Variants in CHKA observed in about 807,000 individuals in gnomAD.
The protein encoded by CHKA is choline kinase alpha.
CHKA carries 34 observed loss-of-function variants against 60.1 expected under a neutral mutation model. That is an observed-to-expected ratio of 0.57 (90% confidence interval 0.43 to 0.75). The LOEUF (loss-of-function observed/expected upper bound fraction) is 0.75, where lower values mean the gene tolerates loss of function less well. CHKA is among the 30% of genes least tolerant of loss of function. CHKA has a pLI of 0.00. For synonymous variants in CHKA, 217 were observed against 223.1 expected (o/e 0.97, Z 0.24); for missense variants, 563 against 561.3 (o/e 1.00, Z -0.03).
At chr11:68,085,242 G>C (rs1401305127) in intron 2 of CHKA, among the ~76,000 whole-genome samples, 1 of 152,082 alleles carries the variant, frequency 6.6e-6, no homozygotes, top group Non-Finnish European at 1.5e-5. Context: ...AAAAAATTTG[G>C]AGACTGGGTC....
chr11:68,111,318 A>C (rs1858129758), intron 1 of CHKA, among the ~76,000 whole-genome samples: 1 of 152,016 alleles, frequency 6.6e-6, no homozygotes, highest in Non-Finnish European at 1.5e-5. Flanking sequence ...AAGTTGAGGC[A>C]GGAAAATTGC....
chr11:68,103,226 G>A (rs951223373), intron 1 of CHKA, among the ~76,000 whole-genome samples: 37 of 152,080 alleles, frequency 2.4e-4, no homozygotes, highest in African/African-American at 6.0e-4. Context: ...TAGGTAGCAC[G>A]TGCCTGCAGT....
chr11:68,055,322 G>A (rs1433459068), intron 11 of CHKA, among the ~76,000 whole-genome samples: 7 of 152,128 alleles, frequency 4.6e-5, no homozygotes, highest in African/African-American at 1.4e-4. Flanking sequence ...CCCGGGAGGC[G>A]GAGGTTGCAG....
rs1174986137 is a variant in CHKA, at chr11:68,054,040, G to A, written c.1322C>T (p.Ala441Val). 1.2e-6 allele frequency: 2 copies of A among 1,612,590 alleles called. No individual in the cohort carries two copies. The highest frequency in any genetic ancestry group is 1.7e-6 in the Non-Finnish European group (2 of 1,179,372). Residue 441 changes from alanine (A) to valine (V), a missense_variant, in exon 12 of 12, where the codon GCC becomes GTC. By Grantham distance (64) the Ala-to-Val change is moderately conservative. Transcript: ENST00000265689. ...GAAATAGGCATCAAACCTTGCTTGGGCGTAGTCCTAGGAGACAGCAAAGAG... is the reference window on the plus strand; with the variant it reads ...GAAATAGGCATCAAACCTTGCTTGGACGTAGTCCTAGGAGACAGCAAAGAG... ...SSIEFGYMDY[A>V]QARFDAYFHQ...
chr11:68,097,416 CA>C (rs1470963564), intron 1 of CHKA, among the ~76,000 whole-genome samples: 2 of 152,106 alleles, frequency 1.3e-5, no homozygotes, highest in Non-Finnish European at 2.9e-5. Context: ...GGGTGGATCA[CA>C]AGGTCAAGGA....
At chr11:68,064,953 G>A (rs533371987) in intron 9 of CHKA, among the ~76,000 whole-genome samples, 3 of 152,274 alleles carry the variant, frequency 2.0e-5, no homozygotes, top group African/African-American at 7.2e-5. Flanking sequence ...ATCCTACTCA[G>A]CTTCAGCACC....
At chr11:68,082,581 A>G (rs1017474337) in intron 2 of CHKA, 3 of 152,636 alleles carry the variant, frequency 2.0e-5, no homozygotes, top group African/African-American at 7.2e-5. Context: ...AACACCAGCT[A>G]CTCTAGCACC....
chr11:68,089,730 C>G (rs576113796), intron 2 of CHKA: 2 of 152,262 alleles, frequency 1.3e-5, no homozygotes, highest in South Asian at 2.1e-4. Context: ...TTACAACTTT[C>G]TTTTTTAAAA....
At chr11:68,081,956 G>A (rs1290574695) in intron 2 of CHKA, 1 of 152,774 alleles carries the variant, frequency 6.5e-6, no homozygotes, top group Admixed American at 6.5e-5. Flanking sequence ...CAAAATCTGT[G>A]CAGACATGCC....
At chr11:68,078,393 C>T (rs773946386) in intron 3 of CHKA, among the ~76,000 whole-genome samples, 5 of 152,108 alleles carry the variant, frequency 3.3e-5, no homozygotes, top group Non-Finnish European at 7.3e-5. Context: ...GTGGTATTCC[C>T]TAATGGTGCT....
At chr11:68,081,693 C>T (rs982157374) in intron 2 of CHKA, 52 of 435,022 alleles carry the variant, frequency 1.2e-4, no homozygotes, top group African/African-American at 8.8e-4. Flanking sequence ...CGGTGAGACC[C>T]GATAGCTGCA....
chr11:68,117,942 G>C (rs984730137), intron 1 of CHKA, among the ~76,000 whole-genome samples: 1 of 152,206 alleles, frequency 6.6e-6, no homozygotes, highest in Non-Finnish European at 1.5e-5. Context: ...GTGCAGAGGA[G>C]GGATTTCTGG....
intron 1 of CHKA, among the ~76,000 whole-genome samples, chr11:68,111,501 C>G (rs1858139305): frequency 6.6e-6 from 1 of 151,476 alleles, no homozygotes; most frequent in East Asian, 1.9e-4. Flanking sequence ...ATCACTTGAA[C>G]CCGGGAGACA....
chr11:68,060,378 C>T lies in CHKA; in HGVS notation c.1314+1575G>A, dbSNP rs559183825. Among the ~76,000 whole-genome samples, 9 of 152,036 alleles carry T rather than the reference C, an allele frequency of 5.9e-5. No individual in the cohort carries two copies. The South Asian group carries it at 6.2e-4, about 11-fold the overall frequency. ...AGGCTGGAGTGCAATGGCGCCATCT[C>T]GGCTCACTGCAAACTCTGCCTCCCA... On this transcript the variant is annotated intron_variant, in intron 11 of 11. Transcript: ENST00000265689.
At chr11:68,115,831 A>C (rs1858363733) in intron 1 of CHKA, among the ~76,000 whole-genome samples, 1 of 152,232 alleles carries the variant, frequency 6.6e-6, no homozygotes, top group Non-Finnish European at 1.5e-5. Flanking sequence ...ATGAAATTGA[A>C]AATTGTTTCT....
intron 9 of CHKA, among the ~76,000 whole-genome samples, chr11:68,065,111 T>C (rs1260083775): frequency 1.3e-5 from 2 of 152,152 alleles, no homozygotes; most frequent in Non-Finnish European, 2.9e-5. Context: ...AGATATTTCC[T>C]CCCACTACTA....
At chr11:68,118,309 T>C (rs1184340965) in intron 1 of CHKA, among the ~76,000 whole-genome samples, 1 of 152,054 alleles carries the variant, frequency 6.6e-6, no homozygotes, top group Non-Finnish European at 1.5e-5. Flanking sequence ...GTAATGGTGG[T>C]GCGTGCCTGT....
chr11:68,065,478 T>A (rs1196370146), intron 9 of CHKA, among the ~76,000 whole-genome samples: 2 of 152,154 alleles, frequency 1.3e-5, no homozygotes, highest in Non-Finnish European at 2.9e-5. Flanking sequence ...GGCAGGAGGA[T>A]CACTTGAGCC....
At chr11:68,082,744 C>A (rs1857024886) in intron 2 of CHKA, among the ~76,000 whole-genome samples, 1 of 152,282 alleles carries the variant, frequency 6.6e-6, no homozygotes, top group Non-Finnish European at 1.5e-5. Context: ...TTGCAAAAGG[C>A]TCTTAACGTT....
Sources: gnomAD v4.1 joint callset for allele counts (sites outside exome capture counted in the v4.1 genomes callset) on GRCh38, gnomAD v4.1.1 for gene constraint, MANE v1.5 for transcripts, NCBI Gene and HGNC (gene_info 2026-07-23, HGNC 2026-07-21) for gene names.